Variants in ADAP1 observed in about 807,000 individuals in gnomAD.
The protein encoded by ADAP1 is arf-GAP with dual PH domain-containing protein 1.
Under a neutral mutation model 54.9 loss-of-function variants are expected in ADAP1, and 31 were observed. The ratio of observed to expected loss-of-function variants is 0.56; its 90% CI spans 0.42 to 0.76. ADAP1 has a LOEUF of 0.76. Ranked by LOEUF, ADAP1 falls within the 30% of genes least tolerant of loss-of-function variation. The pLI is 0.00. For missense variants in ADAP1, 535 were observed against 512.4 expected, an observed-to-expected ratio of 1.04 and a Z score of -0.42; for synonymous variants, 313 against 202.6, an observed-to-expected ratio of 1.55 and a Z score of -4.63.
chr7:925,760 A>G (rs1258858867), intron 3 of ADAP1, among the ~76,000 whole-genome samples: 1 of 152,186 alleles, frequency 6.6e-6, no homozygotes, highest in Non-Finnish European at 1.5e-5. Context: ...GTTGGCTCAC[A>G]CCCAAACCCT....
At chr7:914,706 G>A (rs1562921885) in intron 4 of ADAP1, among the ~76,000 whole-genome samples, 1 of 152,154 alleles carries the variant, frequency 6.6e-6, no homozygotes, top group Non-Finnish European at 1.5e-5. Context: ...GAGGTGCCCT[G>A]GAGCCCCTGA....
At chr7:906,152 G>A (rs199914279) in intron 4 of ADAP1, among the ~76,000 whole-genome samples, 3 of 22,468 alleles carry the variant, frequency 1.3e-4, no homozygotes, top group Non-Finnish European at 2.2e-4. Context: ...AAGGAGAAAG[G>A]GAAAGGAGAA....
At chr7:932,096 T>C (rs1278122710) in intron 2 of ADAP1, among the ~76,000 whole-genome samples, 3 of 152,234 alleles carry the variant, frequency 2.0e-5, no homozygotes, top group African/African-American at 7.2e-5. Flanking sequence ...CAGGCCTGCC[T>C]GAGATTCATC....
rs193130776 is a variant in ADAP1 at position 899,022 on chromosome 7, G to A, written c.1096+11C>T. The A allele has an allele frequency of 6.8e-4, 1,102 of 1,609,444 alleles. 9 individuals are homozygous for A. The African/African-American group carries it at 0.012, about 17-fold the overall frequency. On this transcript the variant is annotated intron_variant, in intron 10 of 10. Coordinates refer to ENST00000265846, the MANE Select transcript of ADAP1 (RefSeq NM_006869.4). ...AGCCCTTCCAGGCCGCCGGCCGCCCGCCCCCCTCACCTGCGTACTCCTGGG... is the reference window on the plus strand; with the variant it reads ...AGCCCTTCCAGGCCGCCGGCCGCCCACCCCCCTCACCTGCGTACTCCTGGG...
intron 1 of ADAP1, among the ~76,000 whole-genome samples, chr7:940,303 A>C (rs1846908217): frequency 6.7e-6 from 1 of 149,470 alleles, no homozygotes; most frequent in Non-Finnish European, 1.5e-5. Context: ...GCACGACTAC[A>C]CTCCAGCCTG....
intron 1 of ADAP1, among the ~76,000 whole-genome samples, chr7:953,210 G>A (rs917706008): frequency 1.3e-5 from 2 of 152,210 alleles, no homozygotes; most frequent in South Asian, 4.1e-4. Flanking sequence ...ACCATTGCAC[G>A]GGCCCTGTGG....
chr7:937,097 GGGCCTCGGATTTGGGGGT>G (rs1846786161), intron 1 of ADAP1, among the ~76,000 whole-genome samples: 1 of 69,004 alleles, frequency 1.4e-5, no homozygotes, highest in Non-Finnish European at 2.9e-5. Flanking sequence ...GGGTCACGCC[GGGCCTCGGATTTGGGGGT>G]CACGCCCGAC....
rs1554271723 is a variant in ADAP1 at position 905,371 on chromosome 7, G to GGAAAGGA, written c.389-206_389-200dup. 7.1e-4 allele frequency: 43 copies of GGAAAGGA among 60,664 alleles called. 3 individuals are homozygous for GGAAAGGA. The highest frequency in any genetic ancestry group is 9.1e-4 in the Non-Finnish European group (34 of 37,470). 3.8% of individuals were successfully genotyped at this position (60,664 alleles called of 1,614,324 possible). On this transcript the variant is annotated intron_variant, in intron 4 of 10. Coordinates refer to ENST00000265846, the MANE Select transcript of ADAP1 (RefSeq NM_006869.4). The stretch of plus-strand genomic sequence containing the variant: ...GGAAGATGGGCAGGGAAAGGGAAAG[G>GGAAAGGA]GAAAGGAGAAAGGAGAAAGGAGAAA...
chr7:898,756 A>G lies in ADAP1; in HGVS notation c.*165T>C. The G allele has an allele frequency of 1.2e-6, 1 of 866,364 alleles. No homozygotes were observed. Among genetic ancestry groups the G allele is most frequent in the Non-Finnish European group, 1.8e-6 (1 of 558,722 alleles). 53.7% of individuals were successfully genotyped at this position (866,364 alleles called of 1,614,324 possible). A position where few individuals can be genotyped will look rare whatever the true frequency, so the allele number is the denominator to read the frequency against. On this transcript the variant is annotated 3_prime_UTR_variant, in exon 11 of 11. Transcript: ENST00000265846. ...TGGGCTGCCTGCCTTGAGGTTCCAGAGAAGCATCCTGGAAGCTGAAGCTCG... is the reference window on the plus strand; with the variant it reads ...TGGGCTGCCTGCCTTGAGGTTCCAGGGAAGCATCCTGGAAGCTGAAGCTCG...
At chr7:900,062 T>A (rs1035311885) in intron 8 of ADAP1, 40 bp downstream of exon 8, 7 of 1,610,766 alleles carry the variant, frequency 4.3e-6, no homozygotes, top group Non-Finnish European at 5.1e-6. Flanking sequence ...CACCATGGCG[T>A]ACCCCAGGCC....
At chr7:940,174 T>G (rs1846904605) in intron 1 of ADAP1, among the ~76,000 whole-genome samples, 1 of 151,812 alleles carries the variant, frequency 6.6e-6, no homozygotes, top group Admixed American at 6.6e-5. Context: ...GAGTTAAATG[T>G]GAAGAAATAG....
In ADAP1 at chr7:897,901, G is replaced by A. The variant is rs1473631532; in HGVS notation, c.*1020C>T. 2.0e-5 allele frequency: 3 copies of A among 152,310 alleles called. No homozygotes were observed. Among genetic ancestry groups the A allele is most frequent in the Non-Finnish European group, 1.5e-5 (1 of 68,096 alleles). 9.4% of individuals were successfully genotyped at this position (152,310 alleles called of 1,614,324 possible). On this transcript the variant is annotated 3_prime_UTR_variant, in exon 11 of 11. Transcript: ENST00000265846. Reference sequence around the variant, plus strand: ...CCACTCCATCCTCGGACACACAGCTGGAACCATGCCAGAGCCACATTTTAT... The same window carrying A: ...CCACTCCATCCTCGGACACACAGCTAGAACCATGCCAGAGCCACATTTTAT...
At chr7:921,445 C>T (rs935876734) in intron 3 of ADAP1, among the ~76,000 whole-genome samples, 1 of 152,230 alleles carries the variant, frequency 6.6e-6, no homozygotes, top group Non-Finnish European at 1.5e-5. Context: ...CTCGGCTTCC[C>T]GAGTAGCTGG....
At position 900,294 on chromosome 7, in the gene ADAP1, G is replaced by C. The variant is rs558236969; in HGVS notation, c.733-130C>G. The C allele has an allele frequency of 4.3e-6, 5 of 1,159,438 alleles. No individual in the cohort carries two copies. In the African/African-American group the frequency reaches 7.7e-5, roughly 18 times the overall value. 71.8% of individuals were successfully genotyped at this position (1,159,438 alleles called of 1,614,324 possible). The stretch of plus-strand genomic sequence containing the variant: ...AGGGCCCAGGCCTGGCTTAGCCTCC[G>C]CAGGATCCACATTTCTGCCTCTGCT... On this transcript the variant is annotated intron_variant, in intron 7 of 10. Coordinates refer to ENST00000265846, the MANE Select transcript of ADAP1 (RefSeq NM_006869.4).
chr7:955,014 G>A (rs1847352952), upstream of ADAP1, among the ~76,000 whole-genome samples: 1 of 152,166 alleles, frequency 6.6e-6, no homozygotes, highest in South Asian at 2.1e-4. Flanking sequence ...GGGGGTGCTC[G>A]TGGAAGGCAG....
chr7:907,325 G>A (rs1421794893), intron 4 of ADAP1, among the ~76,000 whole-genome samples: 2 of 152,128 alleles, frequency 1.3e-5, no homozygotes, highest in Admixed American at 6.5e-5. Flanking sequence ...GAGATATGAG[G>A]ACAGGAGGGA....
chr7:927,545 C>T (rs1299361326), intron 2 of ADAP1: 5 of 468,448 alleles, frequency 1.1e-5, no homozygotes, highest in African/African-American at 2.0e-5. Flanking sequence ...CCTGACATCA[C>T]CCTGCTCCGA....
At chr7:936,375 T>C (rs1846761159) in intron 1 of ADAP1, among the ~76,000 whole-genome samples, 1 of 152,124 alleles carries the variant, frequency 6.6e-6, no homozygotes, top group African/African-American at 2.4e-5. Context: ...GTATTTTTAG[T>C]GGAGATGGGG....
chr7:903,392 G>A (rs10257583), intron 6 of ADAP1, among the ~76,000 whole-genome samples: 9,830 of 152,206 alleles, frequency 0.065, 381 homozygotes, highest in African/African-American at 0.1. Context: ...CAGCGACACC[G>A]GCAGCTTATT....
Sources: gnomAD v4.1 joint callset for allele counts (sites outside exome capture counted in the v4.1 genomes callset) on GRCh38, gnomAD v4.1.1 for gene constraint, MANE v1.5 for transcripts, NCBI Gene and HGNC (gene_info 2026-07-23, HGNC 2026-07-21) for gene names.